ERICH3: variants seen among roughly 807,000 people sequenced by gnomAD.
ERICH3 encodes the protein glutamate rich 3, also known as glutamate-rich protein 3.
A neutral mutation model predicts 131.1 loss-of-function variants in ERICH3; 126 were observed. The observed-to-expected ratio is 0.96, with a 90% CI of 0.83 to 1.11. ERICH3 has a LOEUF of 1.11. Ranked by LOEUF, ERICH3 falls within the 50% of genes most tolerant of loss-of-function variation. ERICH3 has a pLI of 0.00. For synonymous variants in ERICH3, 695 were observed against 644.6 expected (o/e 1.08, Z -1.18); for missense variants, 2,050 against 1,810.7 (o/e 1.13, Z -2.40).
At chr1:74,660,203 GT>G (rs1434586899) in intron 1 of ERICH3, among the ~76,000 whole-genome samples, 1 of 151,976 alleles carries the variant, frequency 6.6e-6, no homozygotes, top group African/African-American at 2.4e-5. Context: ...GACATGTTTG[GT>G]TCCCCTTCCA....
intron 7 of ERICH3, 32 bp from the exon 8 acceptor site, chr1:74,620,946 C>T (rs745387377): frequency 6.2e-6 from 9 of 1,457,862 alleles, no homozygotes; most frequent in South Asian, 3.0e-5. Context: ...GGCTTATTAA[C>T]GAATTACTTT....
rs780082330 is a variant in ERICH3 at position 74,571,544 on chromosome 1, T to G, written c.4166A>C (p.Gln1389Pro). The G allele has an allele frequency of 1.2e-6, 2 of 1,614,174 alleles. No homozygotes were observed. The highest frequency in any genetic ancestry group is 1.1e-5 in the South Asian group (1 of 91,082). Residue 1389 changes from glutamine (Q) to proline (P), a missense_variant, in exon 14 of 15, where the codon CAA becomes CCA. Gln to Pro is a moderately conservative substitution (Grantham distance 76, BLOSUM62 -1). Coordinates refer to ENST00000326665, the MANE Select transcript of ERICH3 (RefSeq NM_001002912.5). ...SDVAEEETWH[Q>P]QDELVGKTAA... ...TGTTTTTCCTACTAACTCATCCTGTTGGTGCCAGGTTTCTTCCTCAGCAAC... is the reference window on the plus strand; with the variant it reads ...TGTTTTTCCTACTAACTCATCCTGTGGGTGCCAGGTTTCTTCCTCAGCAAC...
intron 5 of ERICH3, among the ~76,000 whole-genome samples, chr1:74,638,758 A>G (rs74093484): frequency 0.013 from 1,970 of 152,284 alleles, 42 homozygotes; most frequent in African/African-American, 0.045. Flanking sequence ...TAGAGAGAAG[A>G]TATGTGCTCT....
chr1:74,613,539 T>C (rs905358760), intron 8 of ERICH3, among the ~76,000 whole-genome samples: 1 of 152,208 alleles, frequency 6.6e-6, no homozygotes, highest in Non-Finnish European at 1.5e-5. Context: ...CATTTTAAAA[T>C]GCTTTTATTT....
chr1:74,649,694 A>T (rs1297374666), intron 1 of ERICH3, among the ~76,000 whole-genome samples: 1 of 152,142 alleles, frequency 6.6e-6, no homozygotes. Context: ...CTCCTTCAGC[A>T]GATTCTTCCA....
intron 11 of ERICH3, among the ~76,000 whole-genome samples, chr1:74,591,310 A>T (rs1647590887): frequency 6.6e-6 from 1 of 152,210 alleles, no homozygotes; most frequent in Admixed American, 6.5e-5. Flanking sequence ...GAGATATTTC[A>T]AGCCCCATCT....
chr1:74,592,324 G>A (rs1051947281), intron 11 of ERICH3: 2 of 152,098 alleles, frequency 1.3e-5, no homozygotes, highest in African/African-American at 4.8e-5. Flanking sequence ...ATCAAGGAGA[G>A]TTCTTCTCCA....
rs574677549 is a variant in ERICH3, at chr1:74,572,276, C to A, written c.3434G>T (p.Gly1145Val). The A allele has an allele frequency of 6.2e-7, 1 of 1,614,052 alleles. No homozygotes were observed. The highest frequency in any genetic ancestry group is 1.1e-5 in the South Asian group (1 of 91,084). Reference sequence around the variant, plus strand: ...CACTGTCTCTTTTAGTGAATCTTCTCCTAGAAGCCCTGGATTGTCAGACAA... The same window carrying A: ...CACTGTCTCTTTTAGTGAATCTTCTACTAGAAGCCCTGGATTGTCAGACAA... ...SELSDNPGLLGEDSLKETVVP... is the reference protein window; with the variant it reads ...SELSDNPGLLVEDSLKETVVP... The change falls in exon 14 of 15, where the codon GGA becomes GTA. Residue 1145 changes from glycine to valine, a missense_variant. Physicochemically the swap from Gly to Val is moderately radical, Grantham distance 109. Transcript: ENST00000326665.
chr1:74,673,345 C>T (rs1646759169), intron 1 of ERICH3, 152 bp downstream of exon 1: 1 of 829,086 alleles, frequency 1.2e-6, no homozygotes, highest in Non-Finnish European at 1.8e-6. Flanking sequence ...GCCATCCTCG[C>T]TGCAACCCAG....
intron 6 of ERICH3, among the ~76,000 whole-genome samples, chr1:74,634,043 C>T (rs1195958457): frequency 1.3e-5 from 2 of 152,042 alleles, no homozygotes; most frequent in African/African-American, 4.8e-5. Context: ...GTTGTACCTT[C>T]AAGTACTTTC....
At chr1:74,604,923 C>T (rs1209106585) in intron 10 of ERICH3, among the ~76,000 whole-genome samples, 4 of 151,888 alleles carry the variant, frequency 2.6e-5, no homozygotes, top group African/African-American at 9.7e-5. Flanking sequence ...TCAGCCTATC[C>T]TTTGAAGCTT....
chr1:74,614,546 G>A (rs1343972477), intron 8 of ERICH3, among the ~76,000 whole-genome samples: 3 of 151,408 alleles, frequency 2.0e-5, no homozygotes, highest in African/African-American at 7.3e-5. Flanking sequence ...GCGTGGTAGC[G>A]GGCACCTGTA....
At chr1:74,634,534 GA>G (rs372193659) in intron 6 of ERICH3, 144 of 591,978 alleles carry the variant, frequency 2.4e-4, no homozygotes, top group South Asian at 3.6e-4. Context: ...CACATTAAAG[GA>G]AAAAAAAATT....
chr1:74,578,760 T>C (rs1647122330), intron 12 of ERICH3, among the ~76,000 whole-genome samples: 1 of 151,784 alleles, frequency 6.6e-6, no homozygotes. Context: ...TATAACGGAT[T>C]TACTTTGAGA....
intron 1 of ERICH3, among the ~76,000 whole-genome samples, chr1:74,650,173 A>G (rs765893154): frequency 1.4e-4 from 21 of 152,166 alleles, no homozygotes; most frequent in Non-Finnish European, 2.6e-4. Flanking sequence ...ACCTCCTTAT[A>G]TATATCTAGA....
intron 8 of ERICH3, among the ~76,000 whole-genome samples, chr1:74,613,164 T>A (rs964787427): frequency 6.6e-6 from 1 of 152,226 alleles, no homozygotes; most frequent in African/African-American, 2.4e-5. Context: ...TTGAGGACAA[T>A]TTTTAGTGAT....
At chr1:74,605,885 C>T (rs555912762) in intron 10 of ERICH3, among the ~76,000 whole-genome samples, 1 of 151,706 alleles carries the variant, frequency 6.6e-6, no homozygotes, top group African/African-American at 2.4e-5. Context: ...TGCAGGGTTG[C>T]CACAAACTTT....
In ERICH3 at chr1:74,571,547, T is replaced by C. The variant is rs749512245; in HGVS notation, c.4163A>G (p.His1388Arg). 7 of 1,614,188 alleles carry C rather than the reference T, an allele frequency of 4.3e-6. No individual in the cohort carries two copies. Among genetic ancestry groups the C allele is most frequent in the Admixed American group, 3.3e-5 (2 of 60,028 alleles). Reference protein sequence around the residue: ...FSDVAEEETWHQQDELVGKTA... With the variant: ...FSDVAEEETWRQQDELVGKTA... Reference sequence around the variant, plus strand: ...TTTTCCTACTAACTCATCCTGTTGGTGCCAGGTTTCTTCCTCAGCAACATC... The same window carrying C: ...TTTTCCTACTAACTCATCCTGTTGGCGCCAGGTTTCTTCCTCAGCAACATC... The change falls in exon 14 of 15, where the codon CAC becomes CGC. Residue 1388 changes from histidine to arginine, a missense_variant. Coordinates refer to ENST00000326665, the MANE Select transcript of ERICH3 (RefSeq NM_001002912.5).
chr1:74,659,010 C>T (rs1295134651), intron 1 of ERICH3, among the ~76,000 whole-genome samples: 1 of 152,172 alleles, frequency 6.6e-6, no homozygotes, highest in African/African-American at 2.4e-5. Flanking sequence ...ACCACATATA[C>T]ATTTGCCTGT....
Sources: gnomAD v4.1 joint callset for allele counts (sites outside exome capture counted in the v4.1 genomes callset) on GRCh38, gnomAD v4.1.1 for gene constraint, MANE v1.5 for transcripts, NCBI Gene and HGNC (gene_info 2026-07-23, HGNC 2026-07-21) for gene names.